The following SNTB1 variants were observed in gnomAD, a reference collection of about 807,000 sequenced individuals.
The protein encoded by SNTB1 is beta-1-syntrophin.
SNTB1 carries 36 observed loss-of-function variants against 48.9 expected under a neutral mutation model. The observed-to-expected ratio is 0.74, with a 90% CI of 0.56 to 0.97. The LOEUF (loss-of-function observed/expected upper bound fraction) is 0.97. Among genes scored for constraint, SNTB1 ranks in the 50% least tolerant of loss-of-function variants. The pLI, the probability that SNTB1 is intolerant of heterozygous loss-of-function variation, is 0.00. For missense variants in SNTB1, 786 were observed against 703.4 expected (o/e 1.12, Z -1.33); for synonymous variants, 299 against 294.6 (o/e 1.01, Z -0.15).
At chr8:120,739,103 C>A (rs1306017448) in intron 1 of SNTB1, among the ~76,000 whole-genome samples, 1 of 152,152 alleles carries the variant, frequency 6.6e-6, no homozygotes, top group Non-Finnish European at 1.5e-5. Flanking sequence ...GAAAATGTAT[C>A]CAGGCAAATG....
chr8:120,793,937 AAT>A (rs1162333368), intron 1 of SNTB1, among the ~76,000 whole-genome samples: 9 of 151,982 alleles, frequency 5.9e-5, no homozygotes, highest in Non-Finnish European at 1.2e-4. Flanking sequence ...TCAATGGTAA[AAT>A]ATGTCTCAGC....
At chr8:120,722,142 T>C (rs1041435201) in intron 1 of SNTB1, among the ~76,000 whole-genome samples, 1 of 152,262 alleles carries the variant, frequency 6.6e-6, no homozygotes, top group East Asian at 1.9e-4. Context: ...CTATCATTGC[T>C]GGACATTTGG....
intron 3 of SNTB1, among the ~76,000 whole-genome samples, chr8:120,611,382 G>C (rs1288503270): frequency 1.3e-5 from 2 of 152,060 alleles, no homozygotes; most frequent in East Asian, 1.9e-4. Context: ...AAGGAAACTG[G>C]GACTGTTATT....
chr8:120,566,607 T>C (rs1006785985), intron 4 of SNTB1, among the ~76,000 whole-genome samples: 2 of 152,044 alleles, frequency 1.3e-5, no homozygotes, highest in South Asian at 2.1e-4. Flanking sequence ...CCTGAGAAGA[T>C]GGGAGGCAGC....
At chr8:120,546,469 C>G (rs1563813788) in intron 5 of SNTB1, among the ~76,000 whole-genome samples, 1 of 151,760 alleles carries the variant, frequency 6.6e-6, no homozygotes, top group African/African-American at 2.4e-5. Flanking sequence ...TTTCCATTCT[C>G]TTTTTTTTGT....
intron 3 of SNTB1, among the ~76,000 whole-genome samples, chr8:120,601,468 T>C (rs1287848956): frequency 2.0e-5 from 3 of 152,182 alleles, no homozygotes; most frequent in Non-Finnish European, 4.4e-5. Context: ...CCTAACCCCA[T>C]CTCTAATCCA....
chr8:120,545,857 A>G (rs1327144561), intron 5 of SNTB1, among the ~76,000 whole-genome samples: 1 of 152,252 alleles, frequency 6.6e-6, no homozygotes, highest in African/African-American at 2.4e-5. Context: ...TAATAATTAC[A>G]AGAACAACAA....
chr8:120,632,785 A>G, intron 2 of SNTB1, 134 bp from the exon 3 acceptor site: 2 of 706,174 alleles, frequency 2.8e-6, no homozygotes, highest in Middle Eastern at 3.9e-4. Context: ...ATGCCTTAAC[A>G]GTCCCGCCAT....
intron 3 of SNTB1, among the ~76,000 whole-genome samples, chr8:120,586,869 C>T (rs78474498): frequency 0.018 from 2,804 of 152,236 alleles, 34 homozygotes; most frequent in Non-Finnish European, 0.027. Flanking sequence ...AAAATAGTGA[C>T]AATTGTTGAA....
chr8:120,729,594 G>C (rs1321354134), intron 1 of SNTB1, among the ~76,000 whole-genome samples: 1 of 152,174 alleles, frequency 6.6e-6, no homozygotes, highest in Non-Finnish European at 1.5e-5. Flanking sequence ...TGCATGCATT[G>C]ATTATTCAAA....
intron 1 of SNTB1, among the ~76,000 whole-genome samples, chr8:120,715,404 A>AAGTG (rs1401465464): frequency 1.3e-5 from 2 of 152,334 alleles, no homozygotes; most frequent in East Asian, 3.9e-4. Flanking sequence ...TCTCATCAAA[A>AAGTG]AGTGAGGCTG....
At chr8:120,582,788 T>C (rs1455622334) in intron 3 of SNTB1, among the ~76,000 whole-genome samples, 1 of 151,992 alleles carries the variant, frequency 6.6e-6, no homozygotes, top group Non-Finnish European at 1.5e-5. Context: ...AGGGAGAGCA[T>C]TAGGACAAAT....
chr8:120,762,112 A>G (rs1439098629), intron 1 of SNTB1, among the ~76,000 whole-genome samples: 2 of 152,216 alleles, frequency 1.3e-5, no homozygotes, highest in East Asian at 1.9e-4. Flanking sequence ...AATGAATTCC[A>G]GAGGACTGAA....
At chr8:120,706,025 A>G (rs1456866554) in intron 1 of SNTB1, among the ~76,000 whole-genome samples, 1 of 152,180 alleles carries the variant, frequency 6.6e-6, no homozygotes, top group African/African-American at 2.4e-5. Flanking sequence ...TTCCTTACCT[A>G]ATAATAACAG....
intron 3 of SNTB1, among the ~76,000 whole-genome samples, chr8:120,612,106 C>T (rs79134366): frequency 0.011 from 1,703 of 152,240 alleles, 32 homozygotes; most frequent in African/African-American, 0.039. Context: ...TTAACACTGG[C>T]ACTGAACAGT....
chr8:120,683,106 C>T (rs1817963996), intron 2 of SNTB1, among the ~76,000 whole-genome samples: 1 of 152,034 alleles, frequency 6.6e-6, no homozygotes, highest in Admixed American at 6.5e-5. Context: ...TGGTCTCAAT[C>T]TCCTGACCTC....
intron 1 of SNTB1, among the ~76,000 whole-genome samples, chr8:120,741,732 G>C (rs1338281629): frequency 6.6e-6 from 1 of 152,180 alleles, no homozygotes; most frequent in South Asian, 2.1e-4. Flanking sequence ...TTCTATATCA[G>C]TGGTCAGCAA....
chr8:120,811,710 G>A lies in SNTB1; in HGVS notation c.134C>T (p.Ala45Val). Residue 45 changes from alanine to valine, a missense_variant, in exon 1 of 7, where the codon GCC becomes GTC. By Grantham distance (64) the Ala-to-Val change is moderately conservative. Transcript: ENST00000517992. ...GCCCTCCTCGCTGCTCAGAACCAGGGCGTCCTCGCTCAAGTTCACCAGAAC... is the reference window on the plus strand; with the variant it reads ...GCCCTCCTCGCTGCTCAGAACCAGGACGTCCTCGCTCAAGTTCACCAGAAC... ...HKVLVNLSEDALVLSSEEGAA... is the reference protein window; with the variant it reads ...HKVLVNLSEDVLVLSSEEGAA... The A allele has an allele frequency of 3.2e-6, 5 of 1,578,744 alleles. No homozygotes were observed. Among genetic ancestry groups the A allele is most frequent in the Middle Eastern group, 1.7e-4 (1 of 5,802 alleles).
At chr8:120,651,732 G>C (rs1018458438) in intron 2 of SNTB1, among the ~76,000 whole-genome samples, 3 of 151,966 alleles carry the variant, frequency 2.0e-5, no homozygotes, top group East Asian at 3.8e-4. Context: ...TAGGGAGAAG[G>C]AGAGAAAAAG....
Sources: allele counts gnomAD v4.1 joint callset (sites outside exome capture counted in the v4.1 genomes callset), GRCh38; gene constraint gnomAD v4.1.1; transcripts MANE v1.5; gene names NCBI Gene and HGNC (gene_info 2026-07-23, HGNC 2026-07-21).